Variants in FRA10AC1 observed in about 807,000 individuals in gnomAD.
FRA10AC1 encodes the protein protein FRA10AC1.
FRA10AC1 carries 43 observed loss-of-function variants against 56.5 expected under a neutral mutation model. That is an observed-to-expected ratio of 0.76 (90% CI 0.60 to 0.98). The LOEUF (loss-of-function observed/expected upper bound fraction) is 0.98, where lower values mean the gene tolerates loss of function less well. FRA10AC1 is among the 50% of genes least tolerant of loss of function. FRA10AC1 has a pLI of 0.00. For missense variants in FRA10AC1, 346 were observed against 351.8 expected (o/e 0.98, Z 0.13); for synonymous variants, 112 against 110.5 (o/e 1.01, Z -0.09).
intron 10 of FRA10AC1, among the ~76,000 whole-genome samples, 191 bp downstream of exon 10, chr10:93,683,865 G>A (rs2058977299): frequency 6.6e-6 from 1 of 152,058 alleles, no homozygotes; most frequent in African/African-American, 2.4e-5. Flanking sequence ...ATTTAAAACT[G>A]CTTGGCAAGA....
At chr10:93,687,823 C>G (rs983530311) in intron 7 of FRA10AC1, 2 of 160,264 alleles carry the variant, frequency 1.2e-5, no homozygotes, top group Admixed American at 6.3e-5. Context: ...CATTTTAGCT[C>G]TACCACTTAA....
intron 11 of FRA10AC1, among the ~76,000 whole-genome samples, chr10:93,677,395 C>T (rs1358977597): frequency 6.6e-6 from 1 of 152,064 alleles, no homozygotes; most frequent in Non-Finnish European, 1.5e-5. Context: ...AGTTTTTGGC[C>T]CCTTTAGACC....
intron 12 of FRA10AC1, chr10:93,671,688 A>C (rs920957213): frequency 5.0e-6 from 1 of 200,086 alleles, no homozygotes; most frequent in African/African-American, 2.4e-5. Flanking sequence ...ATTCTATATC[A>C]AATTTTTAAA....
intron 4 of FRA10AC1, among the ~76,000 whole-genome samples, chr10:93,696,095 TAAC>T (rs1383300468): frequency 6.6e-6 from 1 of 152,140 alleles, no homozygotes; most frequent in Non-Finnish European, 1.5e-5. Context: ...CTCATACTAA[TAAC>T]AACTAAAATC....
At chr10:93,676,770 G>A (rs1278845261) in intron 11 of FRA10AC1, 79 bp from the exon 12 acceptor site, 60 of 1,452,652 alleles carry the variant, frequency 4.1e-5, no homozygotes, top group Non-Finnish European at 5.4e-5. Context: ...AGAATTCTTA[G>A]CAATATTCTA....
intron 5 of FRA10AC1, among the ~76,000 whole-genome samples, chr10:93,693,974 T>C (rs1411172914): frequency 2.0e-5 from 3 of 151,956 alleles, no homozygotes; most frequent in Non-Finnish European, 2.9e-5. Context: ...ATTTTAGGTA[T>C]AGCATACAGT....
rs2059272286 is a variant in FRA10AC1, at chr10:93,698,447, C to G, written c.78-51G>C. 3 of 1,050,004 alleles carry G rather than the reference C, an allele frequency of 2.9e-6. No individual in the cohort carries two copies. The Admixed American group carries it at 5.9e-5, about 21-fold the overall frequency. 65.0% of individuals were successfully genotyped at this position (1,050,004 alleles called of 1,614,324 possible). A position where few individuals can be genotyped will look rare whatever the true frequency, so the allele number is the denominator to read the frequency against. ...GTTCACTTTTTTCAAAGGTTATTTT[C>G]TAATTCTTTATATTTTCATAACTGG... On this transcript the variant is annotated intron_variant, in intron 2 of 13. Coordinates refer to ENST00000359204, the MANE Select transcript of FRA10AC1 (RefSeq NM_145246.5).
chr10:93,696,169 G>A (rs1363540389), intron 4 of FRA10AC1, among the ~76,000 whole-genome samples: 2 of 152,128 alleles, frequency 1.3e-5, no homozygotes, highest in South Asian at 2.1e-4. Flanking sequence ...AAGGCGCCCC[G>A]CTAGGGACCT....
chr10:93,691,633 A>G (rs372395362), intron 7 of FRA10AC1, among the ~76,000 whole-genome samples: 32 of 152,334 alleles, frequency 2.1e-4, no homozygotes, highest in African/African-American at 7.7e-4. Context: ...AATTTTTAAA[A>G]TCTATCAGTT....
chr10:93,701,878 T>C (rs2059338719), intron 1 of FRA10AC1, among the ~76,000 whole-genome samples: 1 of 152,046 alleles, frequency 6.6e-6, no homozygotes, highest in Non-Finnish European at 1.5e-5. Flanking sequence ...TGTCTTTCTT[T>C]GGGCCTGTTC....
rs139811637 is a variant in FRA10AC1 at position 93,702,522 on chromosome 10, A to ACCG, written c.-151_-149dup. Reference sequence around the variant, plus strand: ...GCCGCACAGCCTCGCCACAACCACCACCGCCGCCGCCGCCGCCGCCGCCGC... The same window carrying ACCG: ...GCCGCACAGCCTCGCCACAACCACCACCGCCGCCGCCGCCGCCGCCGCCGCCGC... On this transcript the variant is annotated 5_prime_UTR_variant, in exon 1 of 14. Transcript: ENST00000359204. The ACCG allele has an allele frequency of 0.01, 2,263 of 216,012 alleles. 67 individuals carry two copies. Among genetic ancestry groups the ACCG allele is most frequent in the East Asian group, 0.073 (451 of 6,204 alleles). 13.4% of individuals were successfully genotyped at this position (216,012 alleles called of 1,614,324 possible).
intron 12 of FRA10AC1, chr10:93,671,175 T>C (rs2058755526): frequency 4.8e-6 from 1 of 209,638 alleles, no homozygotes. Context: ...ATCTAGTTTC[T>C]TCTTTTTCTT....
chr10:93,670,087 G>A (rs570776241), intron 13 of FRA10AC1, among the ~76,000 whole-genome samples: 1 of 151,914 alleles, frequency 6.6e-6, no homozygotes, highest in Non-Finnish European at 1.5e-5. Context: ...ATTTCATATG[G>A]TGGCACCTCT....
intron 11 of FRA10AC1, among the ~76,000 whole-genome samples, chr10:93,677,819 C>A (rs569126661): frequency 5.9e-5 from 9 of 152,164 alleles, no homozygotes; most frequent in Admixed American, 3.9e-4. Context: ...TTCCTAAATG[C>A]TGCCCAGAGG....
Position 93,698,144 on chromosome 10 carries a change from T to C in FRA10AC1, c.211A>G (p.Met71Val), listed in dbSNP as rs752889902. Reference sequence around the variant, plus strand: ...AAATAAAAAAAGGATACAGCATCCATAGCTATGAGATGAAACCTTCTATTT... The same window carrying C: ...AAATAAAAAAAGGATACAGCATCCACAGCTATGAGATGAAACCTTCTATTT... ...ARNRRFHLIAMDAYQRHTKFV... is the reference protein window; with the variant it reads ...ARNRRFHLIAVDAYQRHTKFV... The change falls in exon 4 of 14, where the codon ATG becomes GTG. Residue 71 changes from methionine to valine, a missense_variant. Transcript: ENST00000359204. The C allele has an allele frequency of 1.2e-5, 19 of 1,562,182 alleles. No individual in the cohort carries two copies. The highest frequency in any genetic ancestry group is 1.9e-5 in the Admixed American group (1 of 53,420).
At chr10:93,675,945 T>C (rs2058833148) in intron 12 of FRA10AC1, among the ~76,000 whole-genome samples, 1 of 152,190 alleles carries the variant, frequency 6.6e-6, no homozygotes, top group African/African-American at 2.4e-5. Flanking sequence ...AGAAGACTCT[T>C]CTCTCAAAAC....
chr10:93,682,637 C>T (rs1181944320), intron 10 of FRA10AC1, among the ~76,000 whole-genome samples: 1 of 151,942 alleles, frequency 6.6e-6, no homozygotes. Context: ...ACCATCTCTA[C>T]AAAAACTTTA....
chr10:93,696,360 A>G (rs1422514456), intron 4 of FRA10AC1, among the ~76,000 whole-genome samples: 1 of 152,202 alleles, frequency 6.6e-6, no homozygotes. Context: ...TAGCAAGACA[A>G]CTTTGAGACA....
chr10:93,700,436 G>T (rs1346575104), intron 1 of FRA10AC1, among the ~76,000 whole-genome samples: 3 of 152,158 alleles, frequency 2.0e-5, no homozygotes, highest in Non-Finnish European at 4.4e-5. Context: ...TTTTGATTCA[G>T]AGTAGTAATA....
Sources: gnomAD v4.1 joint callset for allele counts (sites outside exome capture counted in the v4.1 genomes callset) on GRCh38, gnomAD v4.1.1 for gene constraint, MANE v1.5 for transcripts, NCBI Gene and HGNC (gene_info 2026-07-23, HGNC 2026-07-21) for gene names.